Variants in TANK observed in about 807,000 individuals in gnomAD.
The protein encoded by TANK is TRAF family member associated NFKB activator.
A neutral mutation model predicts 43.6 loss-of-function variants in TANK; 15 were observed. The observed-to-expected ratio is 0.34, with a 90% CI of 0.23 to 0.53. The LOEUF (loss-of-function observed/expected upper bound fraction) is 0.53. Among genes scored for constraint, TANK ranks in the 20% least tolerant of loss-of-function variants. TANK has a pLI of 0.94. For synonymous variants in TANK, 162 were observed against 178.2 expected (o/e 0.91, Z 0.73); for missense variants, 417 against 498.6 (o/e 0.84, Z 1.56).
rs1220817554 is a variant in TANK at position 161,175,272 on chromosome 2, C to T, written c.-49-4342C>T. ...TTGACCATAACACCCTGGGAGAGCA[C>T]TTTGCAGCTGACTCTAATGAACAAT... On this transcript the variant is annotated intron_variant, in intron 1 of 7. Coordinates refer to ENST00000392749, the MANE Select transcript of TANK (RefSeq NM_001199135.3). Among the ~76,000 whole-genome samples the T allele has an allele frequency of 2.6e-5, 4 of 152,142 alleles. No homozygotes were observed. The East Asian group carries it at 7.7e-4, about 29-fold the overall frequency.
chr2:161,214,513 G>GTT (rs34231998), intron 4 of TANK, among the ~76,000 whole-genome samples: 168 of 147,164 alleles, frequency 1.1e-3, no homozygotes, highest in South Asian at 1.9e-3. Flanking sequence ...TTTTTTGCTG[G>GTT]TTTTTTTTTT....
In TANK at chr2:161,179,754, A is replaced by T. The variant is rs769177868; in HGVS notation, c.92A>T (p.Gln31Leu). The change falls in exon 2 of 8, where the codon CAG becomes CTG. Residue 31 changes from glutamine to leucine, a missense_variant. Gln to Leu is a moderately radical substitution (Grantham distance 113). Coordinates refer to ENST00000392749, the MANE Select transcript of TANK (RefSeq NM_001199135.3). ...MDRDSAVKEL[Q>L]QKTENYEQRI... ...AGAGATTCTGCAGTAAAAGAATTAC[A>T]GCAAAAGGTGTGTGGTTCTGGTTTT... 6.2e-7 allele frequency: 1 copy of T among 1,612,026 alleles called. No individual in the cohort carries two copies.
At chr2:161,197,154 C>T (rs747267054) in intron 2 of TANK, among the ~76,000 whole-genome samples, 1 of 152,144 alleles carries the variant, frequency 6.6e-6, no homozygotes, top group Non-Finnish European at 1.5e-5. Context: ...CATATCTGTA[C>T]GTACTTGTAC....
chr2:161,184,892 G>C lies in TANK; in HGVS notation c.99+5131G>C, dbSNP rs191677922. 8.5e-4 allele frequency among the ~76,000 whole-genome samples: 130 copies of C among 152,296 alleles called. 2 individuals are homozygous for C. Among genetic ancestry groups the C allele is most frequent in the African/African-American group, 2.9e-3 (119 of 41,574 alleles). On this transcript the variant is annotated intron_variant, in intron 2 of 7. Transcript: ENST00000392749. ...TAGGCCTAGAAGAAGTTCTGAATTG[G>C]AAAGTGTAGATATGGAAGTAATGGA...
upstream of TANK, among the ~76,000 whole-genome samples, chr2:161,155,825 A>G (rs1361199230): frequency 6.6e-6 from 1 of 152,234 alleles, no homozygotes; most frequent in Non-Finnish European, 1.5e-5. Flanking sequence ...CACATTGTAT[A>G]GTAATTGCCT....
At chr2:161,232,587 T>G in intron 7 of TANK, 1 of 911,096 alleles carries the variant, frequency 1.1e-6, no homozygotes, top group Non-Finnish European at 1.5e-6. Flanking sequence ...TTTCACATCA[T>G]AGTCTCAGTT....
At chr2:161,200,422 A>G (rs889629231) in intron 2 of TANK, 5 of 976,976 alleles carry the variant, frequency 5.1e-6, no homozygotes, top group African/African-American at 1.8e-5. Context: ...TGAAAAAAAA[A>G]AGACTAGTTT....
chr2:161,141,462 C>G (rs565925924), intron 1 of TANK, among the ~76,000 whole-genome samples: 18 of 152,068 alleles, frequency 1.2e-4, no homozygotes, highest in Admixed American at 3.9e-4. Context: ...CATGCATTAG[C>G]TATTTATCCC....
intron 2 of TANK, among the ~76,000 whole-genome samples, chr2:161,184,096 G>C (rs567540614): frequency 6.6e-6 from 1 of 152,052 alleles, no homozygotes; most frequent in African/African-American, 2.4e-5. Flanking sequence ...AGAAGTGAGA[G>C]AGTATATGAT....
chr2:161,145,925 T>G lies in TANK; in HGVS notation c.-50+8862T>G, dbSNP rs543962056. Among the ~76,000 whole-genome samples the G allele has an allele frequency of 3.7e-4, 56 of 150,626 alleles. 1 individual carries two copies. Among genetic ancestry groups the G allele is most frequent in the African/African-American group, 1.3e-3 (53 of 39,948 alleles). On this transcript the variant is annotated intron_variant, in intron 1 of 7. Transcript: ENST00000259075. ...AATATCCTGAAGTGTGTTTTCCAAC[T>G]TGGTTCCATTCTCCCTGTCTTTTTC...
intron 4 of TANK, among the ~76,000 whole-genome samples, chr2:161,214,148 T>C (rs1366764737): frequency 6.6e-6 from 1 of 152,224 alleles, no homozygotes; most frequent in African/African-American, 2.4e-5. Flanking sequence ...AATTTTCACT[T>C]GAAAGCTCAA....
chr2:161,213,069 A>G (rs1330988470), intron 4 of TANK, among the ~76,000 whole-genome samples: 1 of 152,026 alleles, frequency 6.6e-6, no homozygotes, highest in Non-Finnish European at 1.5e-5. Flanking sequence ...TTTAACAACC[A>G]GTTTTCTCAG....
intron 2 of TANK, among the ~76,000 whole-genome samples, chr2:161,182,905 A>G (rs564169464): frequency 6.6e-6 from 1 of 152,280 alleles, no homozygotes; most frequent in East Asian, 1.9e-4. Flanking sequence ...TCCTGTCTTC[A>G]GCAAGTGAGA....
At chr2:161,198,698 A>G (rs1460046868) in intron 2 of TANK, among the ~76,000 whole-genome samples, 1 of 152,248 alleles carries the variant, frequency 6.6e-6, no homozygotes, top group Non-Finnish European at 1.5e-5. Flanking sequence ...GAAGAAACCA[A>G]AAGCTCAAAG....
At chr2:161,166,700 T>G (rs2105263045) in intron 1 of TANK, among the ~76,000 whole-genome samples, 1 of 152,162 alleles carries the variant, frequency 6.6e-6, no homozygotes, top group South Asian at 2.1e-4. Context: ...GGTGGAAGGA[T>G]TGCTTGAGGC....
chr2:161,179,691 A>G lies in TANK; in HGVS notation c.29A>G (p.Asn10Ser), dbSNP rs1236530469. The G allele has an allele frequency of 5.0e-6, 8 of 1,613,194 alleles. No homozygotes were observed. The highest frequency in any genetic ancestry group is 1.6e-4 in the Middle Eastern group (1 of 6,082). The change falls in exon 2 of 8, where the codon AAT becomes AGT. Residue 10 changes from asparagine to serine, a missense_variant. Coordinates refer to ENST00000392749, the MANE Select transcript of TANK (RefSeq NM_001199135.3). Reference sequence around the variant, plus strand: ...GATAAAAACATTGGCGAGCAACTCAATAAAGCGTATGAAGCCTTCCGGCAG... The same window carrying G: ...GATAAAAACATTGGCGAGCAACTCAGTAAAGCGTATGAAGCCTTCCGGCAG... Reference protein sequence around the residue: MDKNIGEQLNKAYEAFRQAC... With the variant: MDKNIGEQLSKAYEAFRQAC...
intron 1 of TANK, among the ~76,000 whole-genome samples, chr2:161,169,856 C>T (rs1467118700): frequency 6.6e-6 from 1 of 152,136 alleles, no homozygotes; most frequent in African/African-American, 2.4e-5. Context: ...TTTTGAAGTT[C>T]AGTTTCCTCC....
chr2:161,225,329 G>A (rs1687558656), intron 6 of TANK, among the ~76,000 whole-genome samples: 1 of 151,838 alleles, frequency 6.6e-6, no homozygotes, highest in Non-Finnish European at 1.5e-5. Flanking sequence ...TTGAACTCCT[G>A]GGCTCAAGAA....
chr2:161,172,351 T>C (rs1684982879), intron 1 of TANK, among the ~76,000 whole-genome samples: 1 of 148,838 alleles, frequency 6.7e-6, no homozygotes, highest in East Asian at 2.0e-4. Flanking sequence ...GTAGTTTTTT[T>C]CGGCTTTTTT....
Sources: gnomAD v4.1 joint callset for allele counts (sites outside exome capture counted in the v4.1 genomes callset) on GRCh38, gnomAD v4.1.1 for gene constraint, MANE v1.5 for transcripts, NCBI Gene and HGNC (gene_info 2026-07-23, HGNC 2026-07-21) for gene names.